TRHDE: variants seen among roughly 807,000 people sequenced by gnomAD.
The protein encoded by TRHDE is thyrotropin releasing hormone degrading enzyme.
TRHDE carries 72 observed loss-of-function variants against 125.7 expected under a neutral mutation model. The ratio of observed to expected loss-of-function variants is 0.57; its 90% CI spans 0.47 to 0.70. The LOEUF is 0.70. Ranked by LOEUF, TRHDE falls within the 30% of genes least tolerant of loss-of-function variation. The pLI, the probability that TRHDE is intolerant of heterozygous loss-of-function variation, is 0.00. For synonymous variants in TRHDE, 509 were observed against 509.1 expected (o/e 1.00, Z 0.00); for missense variants, 1,110 against 1,327.1 (o/e 0.84, Z 2.54).
intron 2 of TRHDE, among the ~76,000 whole-genome samples, chr12:72,235,272 T>C (rs1878319260): frequency 6.6e-6 from 1 of 152,158 alleles, no homozygotes; most frequent in Non-Finnish European, 1.5e-5. Context: ...GTACATACTG[T>C]TTCAGAGGAT....
intron 2 of TRHDE, among the ~76,000 whole-genome samples, chr12:72,357,264 A>T (rs1471271967): frequency 6.6e-6 from 1 of 151,506 alleles, no homozygotes; most frequent in African/African-American, 2.4e-5. Context: ...TACAAAATTC[A>T]TCAATTACTA....
At chr12:72,446,167 T>TTA (rs1875272734) in intron 3 of TRHDE, among the ~76,000 whole-genome samples, 1 of 150,872 alleles carries the variant, frequency 6.6e-6, no homozygotes, top group African/African-American at 2.4e-5. Context: ...TTTTTTTTTT[T>TTA]ATACTTTAAG....
intron 6 of TRHDE, among the ~76,000 whole-genome samples, chr12:72,520,683 T>C (rs1311587081): frequency 6.6e-6 from 1 of 152,154 alleles, no homozygotes; most frequent in African/African-American, 2.4e-5. Context: ...AATCCTTTGT[T>C]TCTTTACCAA....
At chr12:72,392,578 A>C (rs1001806096) in intron 3 of TRHDE, among the ~76,000 whole-genome samples, 2 of 152,198 alleles carry the variant, frequency 1.3e-5, no homozygotes, top group Non-Finnish European at 2.9e-5. Flanking sequence ...TGTGTAAACT[A>C]TACAATCTCA....
chr12:72,094,702 C>T (rs1278579279), intron 1 of TRHDE, among the ~76,000 whole-genome samples: 1 of 152,222 alleles, frequency 6.6e-6, no homozygotes, highest in African/African-American at 2.4e-5. Flanking sequence ...GGGTTCCTGG[C>T]AGATGGTTCT....
chr12:72,209,540 G>A (rs1015577113), intron 2 of TRHDE, among the ~76,000 whole-genome samples: 3 of 152,180 alleles, frequency 2.0e-5, no homozygotes, highest in Admixed American at 1.3e-4. Flanking sequence ...AAATGCCAAG[G>A]CAAGGAAACA....
intron 5 of TRHDE, 45 bp from the exon 6 acceptor site, chr12:72,499,453 T>C (rs752828419): frequency 6.9e-6 from 11 of 1,599,762 alleles, no homozygotes; most frequent in Non-Finnish European, 9.4e-6. Flanking sequence ...TACATATGTC[T>C]AACTATGAAT....
intron 2 of TRHDE, among the ~76,000 whole-genome samples, chr12:72,305,434 T>G (rs1162568170): frequency 6.6e-6 from 1 of 152,208 alleles, no homozygotes; most frequent in African/African-American, 2.4e-5. Flanking sequence ...GCAAATGAAA[T>G]CACAGAATCA....
chr12:72,269,937 C>T (rs1879157745), upstream of TRHDE, among the ~76,000 whole-genome samples: 1 of 152,152 alleles, frequency 6.6e-6, no homozygotes, highest in African/African-American at 2.4e-5. Flanking sequence ...TTCCTTTAGG[C>T]AGTGGGTCTT....
chr12:72,330,988 G>T (rs1869567373), intron 2 of TRHDE, among the ~76,000 whole-genome samples: 1 of 152,172 alleles, frequency 6.6e-6, no homozygotes, highest in Non-Finnish European at 1.5e-5. Context: ...GATGTTGCTA[G>T]CTGTTGCTCC....
intron 3 of TRHDE, among the ~76,000 whole-genome samples, chr12:72,458,088 CAG>C (rs895522912): frequency 3.3e-5 from 5 of 152,158 alleles, no homozygotes; most frequent in Admixed American, 3.3e-4. Context: ...GAACCCCTAA[CAG>C]AGCATTGGTT....
In TRHDE at chr12:72,653,007, T is replaced by C. The variant is rs1218470353; in HGVS notation, c.2844-9T>C. 1 of 1,588,172 alleles carries C rather than the reference T, an allele frequency of 6.3e-7. No homozygotes were observed. The highest frequency in any genetic ancestry group is 8.5e-7 in the Non-Finnish European group (1 of 1,170,450). On this transcript the variant is annotated splice_polypyrimidine_tract_variant and intron_variant, in intron 16 of 18. Coordinates refer to ENST00000261180, the MANE Select transcript of TRHDE (RefSeq NM_013381.3). ...GACTAAAAATTTTTACAAAATTCTATCTTTGAAGGCTTCTAAATCTGTCAC... is the reference window on the plus strand; with the variant it reads ...GACTAAAAATTTTTACAAAATTCTACCTTTGAAGGCTTCTAAATCTGTCAC...
chr12:72,413,519 ATT>A (rs1873601907), intron 3 of TRHDE, among the ~76,000 whole-genome samples: 3 of 151,828 alleles, frequency 2.0e-5, no homozygotes, highest in East Asian at 1.9e-4. Flanking sequence ...TAAAATTATT[ATT>A]AGCTCTACCT....
intron 6 of TRHDE, among the ~76,000 whole-genome samples, chr12:72,533,781 C>A (rs1381660184): frequency 6.9e-6 from 1 of 145,046 alleles, no homozygotes. Context: ...TTTAATGGGA[C>A]AGTATTGTTA....
intron 7 of TRHDE, among the ~76,000 whole-genome samples, chr12:72,543,688 A>G (rs1869265824): frequency 6.6e-6 from 1 of 151,266 alleles, no homozygotes; most frequent in South Asian, 2.1e-4. Context: ...ATGTGAAATC[A>G]TTTTCTGTAT....
chr12:72,094,367 G>T (rs1173186834), intron 1 of TRHDE, among the ~76,000 whole-genome samples: 1 of 152,196 alleles, frequency 6.6e-6, no homozygotes, highest in Non-Finnish European at 1.5e-5. Flanking sequence ...GCCAAGGCTG[G>T]GGTCTGCAGG....
intron 2 of TRHDE, among the ~76,000 whole-genome samples, chr12:72,292,784 T>C (rs1053496720): frequency 5.3e-5 from 8 of 152,224 alleles, no homozygotes; most frequent in African/African-American, 1.9e-4. Flanking sequence ...AGGCTTTTGA[T>C]ATGACAGTGC....
intron 2 of TRHDE, among the ~76,000 whole-genome samples, chr12:72,350,517 G>A (rs748831940): frequency 6.6e-6 from 1 of 152,016 alleles, no homozygotes; most frequent in Non-Finnish European, 1.5e-5. Flanking sequence ...ACTGGTAAGT[G>A]GCAGAGTAAC....
chr12:72,610,684 A>G (rs1872602917), intron 12 of TRHDE: 1 of 152,244 alleles, frequency 6.6e-6, no homozygotes, highest in Non-Finnish European at 1.5e-5. Flanking sequence ...CCACAGAGTC[A>G]CCTTCTAAGC....
Sources: gnomAD v4.1 joint callset for allele counts (sites outside exome capture counted in the v4.1 genomes callset) on GRCh38, gnomAD v4.1.1 for gene constraint, MANE v1.5 for transcripts, NCBI Gene and HGNC (gene_info 2026-07-23, HGNC 2026-07-21) for gene names.